NHSL1: variants seen among roughly 807,000 people sequenced by gnomAD.
NHSL1 encodes NHS like 1, also known as NHS-like protein 1.
NHSL1 carries 48 observed loss-of-function variants against 95.0 expected under a neutral mutation model. The ratio of observed to expected loss-of-function variants is 0.51; its 90% CI spans 0.40 to 0.64. NHSL1 has a LOEUF of 0.64. NHSL1 is among the 30% of genes least tolerant of loss of function. NHSL1 has a pLI of 0.00. For missense variants in NHSL1, 1,971 were observed against 2,077.7 expected (o/e 0.95, Z 1.00); for synonymous variants, 783 against 833.9 (o/e 0.94, Z 1.05).
chr6:138,459,423 T>C (rs920912400), intron 3 of NHSL1, among the ~76,000 whole-genome samples: 1 of 152,246 alleles, frequency 6.6e-6, no homozygotes, highest in Admixed American at 6.5e-5. Context: ...ATGAAAGTTA[T>C]TGATTGCTGT....
At position 138,499,158 on chromosome 6, in the gene NHSL1, CAG is replaced by C. The variant is rs1554237820; in HGVS notation, c.58+73_58+74del. The stretch of plus-strand genomic sequence containing the variant: ...GGACACACACACACACACACACACA[CAG>C]ACACACAGGGACATATACACATATG... On this transcript the variant is annotated intron_variant, in intron 1 of 7. Coordinates refer to ENST00000343505, the MANE Select transcript of NHSL1 (RefSeq NM_001144060.2). 2.0e-3 allele frequency: 954 copies of C among 486,786 alleles called. 4 individuals carry two copies. Among genetic ancestry groups the C allele is most frequent in the South Asian group, 9.1e-3 (245 of 26,910 alleles). 30.2% of individuals were successfully genotyped at this position (486,786 alleles called of 1,614,324 possible). A position where few individuals can be genotyped will look rare whatever the true frequency, so the allele number is the denominator to read the frequency against.
upstream of NHSL1, among the ~76,000 whole-genome samples, chr6:138,572,847 G>GTAGATAGATAGATAGATAGAGAGATAGA (rs1554253736): frequency 2.0e-4 from 30 of 149,852 alleles, no homozygotes; most frequent in African/African-American, 7.2e-4. Context: ...GCTTAATACA[G>GTAGATAGATAGATAGATAGAGAGATAGA]TAGATAGATA....
chr6:138,555,171 A>G (rs1783150937), intron 1 of NHSL1, among the ~76,000 whole-genome samples: 1 of 152,200 alleles, frequency 6.6e-6, no homozygotes, highest in Admixed American at 6.5e-5. Flanking sequence ...ATCATGCCGA[A>G]CATGATCTGA....
Position 138,442,012 on chromosome 6 carries a change from C to A in NHSL1, c.635G>T (p.Gly212Val), listed in dbSNP as rs1267107772. 6.4e-7 allele frequency: 1 copy of A among 1,551,240 alleles called. No homozygotes were observed. The change falls in exon 5 of 8, where the codon GGA becomes GTA. Residue 212 changes from glycine (G) to valine (V), a missense_variant. Gly to Val is a moderately radical substitution (Grantham distance 109, BLOSUM62 -3). This residue lies in a region of NHSL1 where 1,602 missense variants were observed against 1,654.5 expected (regional missense o/e 0.97). Coordinates refer to ENST00000343505, the MANE Select transcript of NHSL1 (RefSeq NM_001144060.2). Reference protein sequence around the residue: ...KKVKRRKTITGVPDNIQKELA... With the variant: ...KKVKRRKTITVVPDNIQKELA... ...CTCCTTCTGTATGTTGTCAGGGACT[C>A]CTGTAATAGTCTTTCTCCTTTTGAC...
At chr6:138,635,614 A>G (rs1412354439) in intron 1 of NHSL1, among the ~76,000 whole-genome samples, 1 of 152,182 alleles carries the variant, frequency 6.6e-6, no homozygotes, top group Non-Finnish European at 1.5e-5. Context: ...ACTAATATTA[A>G]TACCAATCCT....
upstream of NHSL1, among the ~76,000 whole-genome samples, chr6:138,575,512 A>T (rs1783956058): frequency 6.6e-6 from 1 of 152,172 alleles, no homozygotes; most frequent in Non-Finnish European, 1.5e-5. Context: ...AGACCTAGGG[A>T]TACGTTTGTA....
chr6:138,691,772 A>G (rs780102714), intron 1 of NHSL1: 82 of 391,454 alleles, frequency 2.1e-4, no homozygotes, highest in African/African-American at 1.3e-4. Flanking sequence ...AGAGATCACT[A>G]TATCAGGACA....
At chr6:138,590,475 C>T (rs1337962099) in intron 1 of NHSL1, among the ~76,000 whole-genome samples, 2 of 152,174 alleles carry the variant, frequency 1.3e-5, no homozygotes, top group African/African-American at 4.8e-5. Flanking sequence ...GCCCCTCTTC[C>T]CTCTGGTTCT....
In NHSL1 at chr6:138,561,471, A is replaced by G. The variant is rs539809625; in HGVS notation, c.202+10239T>C. Among the ~76,000 whole-genome samples the G allele has an allele frequency of 7.9e-5, 12 of 152,338 alleles. No homozygotes were observed. The South Asian group carries it at 2.3e-3, about 29-fold the overall frequency. Reference sequence around the variant, plus strand: ...TAAGAGGGCATGAAAATGGAAAAGTAGAGTCCCTCTTCATTCCACTAATCC... The same window carrying G: ...TAAGAGGGCATGAAAATGGAAAAGTGGAGTCCCTCTTCATTCCACTAATCC... On this transcript the variant is annotated intron_variant, in intron 1 of 6. Transcript: ENST00000427025.
chr6:138,582,249 T>C (rs1329262889), intron 1 of NHSL1, among the ~76,000 whole-genome samples: 2 of 152,132 alleles, frequency 1.3e-5, no homozygotes, highest in African/African-American at 4.8e-5. Context: ...AATATGTAAA[T>C]GGAATACTAT....
At chr6:138,676,125 A>C (rs917027382) in intron 1 of NHSL1, among the ~76,000 whole-genome samples, 10 of 152,228 alleles carry the variant, frequency 6.6e-5, no homozygotes, top group South Asian at 2.1e-4. Context: ...AATGACATCA[A>C]AATAAATTCA....
chr6:138,434,462 G>A (rs545477269), intron 5 of NHSL1, among the ~76,000 whole-genome samples: 1 of 150,790 alleles, frequency 6.6e-6, no homozygotes, highest in African/African-American at 2.4e-5. Context: ...CCAACAGAGA[G>A]GGACGTGGAC....
At chr6:138,660,503 C>T (rs1402463082) in intron 1 of NHSL1, among the ~76,000 whole-genome samples, 2 of 151,962 alleles carry the variant, frequency 1.3e-5, no homozygotes, top group African/African-American at 4.8e-5. Context: ...CTTAATTTAA[C>T]AGCAGTAAAG....
chr6:138,517,632 A>C (rs1178453104), intron 1 of NHSL1, among the ~76,000 whole-genome samples: 1 of 152,228 alleles, frequency 6.6e-6, no homozygotes, highest in Non-Finnish European at 1.5e-5. Flanking sequence ...ATATTAATTA[A>C]GCAAATCCTA....
intron 5 of NHSL1, among the ~76,000 whole-genome samples, chr6:138,441,101 T>C (rs1439065712): frequency 6.6e-6 from 1 of 152,196 alleles, no homozygotes; most frequent in Non-Finnish European, 1.5e-5. Flanking sequence ...AGAGGTAGGT[T>C]CTATTAACAT....
intron 1 of NHSL1, among the ~76,000 whole-genome samples, chr6:138,644,001 T>TA (rs375486600): frequency 0.063 from 8,021 of 128,014 alleles, 229 homozygotes; most frequent in South Asian, 0.097. Flanking sequence ...CATCTAAGAT[T>TA]AAAAAAAAAA....
In NHSL1 at chr6:138,456,612, A is replaced by G. The variant is rs576475068; in HGVS notation, c.340-9419T>C. Reference sequence around the variant, plus strand: ...GATTGATATCCTTTCTGCTAAGACAATGGGGATTCTGTGAAGGTTTCCCAG... The same window carrying G: ...GATTGATATCCTTTCTGCTAAGACAGTGGGGATTCTGTGAAGGTTTCCCAG... On this transcript the variant is annotated intron_variant, in intron 3 of 7. Coordinates refer to ENST00000343505, the MANE Select transcript of NHSL1 (RefSeq NM_001144060.2). Among the ~76,000 whole-genome samples, 13 of 152,318 alleles carry G rather than the reference A, an allele frequency of 8.5e-5. No homozygotes were observed. In the South Asian group the frequency reaches 2.3e-3, roughly 27 times the overall value.
chr6:138,594,145 G>T (rs1784269765), intron 1 of NHSL1, among the ~76,000 whole-genome samples: 1 of 152,094 alleles, frequency 6.6e-6, no homozygotes, highest in Non-Finnish European at 1.5e-5. Context: ...TGTGGTTGGG[G>T]GATGTGGATA....
chr6:138,607,207 G>A (rs898087298), intron 1 of NHSL1, among the ~76,000 whole-genome samples: 1 of 152,194 alleles, frequency 6.6e-6, no homozygotes, highest in African/African-American at 2.4e-5. Flanking sequence ...AAGTGCTCAA[G>A]TAATAAATGC....
Sources: allele counts gnomAD v4.1 joint callset (sites outside exome capture counted in the v4.1 genomes callset), GRCh38; gene constraint gnomAD v4.1.1; regional missense constraint gnomAD v4.1.1; transcripts MANE v1.5; gene names NCBI Gene and HGNC (gene_info 2026-07-23, HGNC 2026-07-21).